SCLY: variants seen among roughly 807,000 people sequenced by gnomAD.
SCLY encodes putative selenocysteine lyase.
Under a neutral mutation model 50.1 loss-of-function variants are expected in SCLY, and 38 were observed. That is an observed-to-expected ratio of 0.76 (90% CI 0.59 to 0.99). SCLY has a LOEUF of 0.99. SCLY is among the 50% of genes least tolerant of loss of function. The pLI, the probability that SCLY is intolerant of heterozygous loss-of-function variation, is 0.00. For synonymous variants in SCLY, 243 were observed against 249.4 expected (o/e 0.97, Z 0.24); for missense variants, 600 against 620.0 (o/e 0.97, Z 0.34).
chr2:238,081,950 G>GCAA, intron 5 of SCLY, 95 bp from the exon 6 acceptor site: 2 of 1,575,128 alleles, frequency 1.3e-6, no homozygotes, highest in Non-Finnish European at 1.7e-6. Context: ...TGTTCACTTT[G>GCAA]ATAACATTTG....
chr2:238,082,793 G>A (rs1004748808), intron 6 of SCLY: 15 of 233,226 alleles, frequency 6.4e-5, no homozygotes, highest in Non-Finnish European at 8.8e-5. Context: ...CCAAAGGAGT[G>A]TCTATGCTGG....
At chr2:238,081,985 C>G in intron 5 of SCLY, 60 bp from the exon 6 acceptor site, 1 of 1,586,216 alleles carries the variant, frequency 6.3e-7, no homozygotes, top group East Asian at 2.3e-5. Flanking sequence ...CTCCTGATTT[C>G]TGTCATTCAG....
At chr2:238,087,315 CAAG>C (rs1358541096) in intron 7 of SCLY, among the ~76,000 whole-genome samples, 1 of 152,080 alleles carries the variant, frequency 6.6e-6, no homozygotes, top group Admixed American at 6.5e-5. Flanking sequence ...AGGAATGAAA[CAAG>C]GAGTACCACT....
chr2:238,083,257 C>G lies in SCLY; in HGVS notation c.787C>G (p.Pro263Ala). 6.2e-7 allele frequency: 1 copy of G among 1,612,106 alleles called. No homozygotes were observed. The highest frequency in any genetic ancestry group is 8.5e-7 in the Non-Finnish European group (1 of 1,178,196). The change falls in exon 7 of 12, where the codon CCC (proline) becomes GCC (alanine). Residue 263 changes from proline (P) to alanine (A), a missense_variant. Transcript: ENST00000254663. This position sits in a 1 kb window ranked among gnomAD's most constrained non-coding sequence, Gnocchi z 4.3. ...LTIVGHKFYG[P>A]RIGALYIRGL... ...CAACTTTTCCTTCCAGTTTTATGGT[C>G]CCAGGATTGGCGCACTTTATATACG...
At chr2:238,064,632 C>T in intron 2 of SCLY, 163 bp downstream of exon 2, 1 of 496,924 alleles carries the variant, frequency 2.0e-6, no homozygotes, top group Admixed American at 4.0e-5. Flanking sequence ...GGGAAGGCCC[C>T]ATTTGTAAGC....
rs886285534 is a variant in SCLY at position 238,083,519 on chromosome 2, A to G, written c.884+165A>G. 3.9e-5 allele frequency among the ~76,000 whole-genome samples: 6 copies of G among 152,164 alleles called. No individual in the cohort carries two copies. Among genetic ancestry groups the G allele is most frequent in the African/African-American group, 1.4e-4 (6 of 41,448 alleles). ...GGCTCCACTGATTGATTTTACACTGAGGGCTCACAGGACCTGCAGTCTCTT... is the reference window on the plus strand; with the variant it reads ...GGCTCCACTGATTGATTTTACACTGGGGGCTCACAGGACCTGCAGTCTCTT... On this transcript the variant is annotated intron_variant, in intron 7 of 11. Transcript: ENST00000254663. The surrounding 1 kb of genome is among the most constrained non-coding windows in gnomAD (Gnocchi z 4.3).
At chr2:238,082,850 T>A (rs1399108623) in intron 6 of SCLY, 3 of 307,396 alleles carry the variant, frequency 9.8e-6, no homozygotes, top group East Asian at 1.6e-4. Flanking sequence ...GTTGGAAACA[T>A]GGAATCATTT....
intron 9 of SCLY, 26 bp downstream of exon 9, chr2:238,093,970 A>G (rs1246442697): frequency 6.3e-7 from 1 of 1,583,780 alleles, no homozygotes; most frequent in South Asian, 1.1e-5. Context: ...GGTGGGCACC[A>G]GGAGGGGGAG....
At chr2:238,071,589 C>T (rs540519550) in intron 4 of SCLY, among the ~76,000 whole-genome samples, 6 of 152,240 alleles carry the variant, frequency 3.9e-5, no homozygotes, top group Non-Finnish European at 7.4e-5. Context: ...GCAGCCTGGG[C>T]GACAGGGTGA....
intron 4 of SCLY, among the ~76,000 whole-genome samples, chr2:238,070,949 A>G (rs911176016): frequency 3.3e-5 from 5 of 151,520 alleles, no homozygotes; most frequent in Non-Finnish European, 7.4e-5. Context: ...CTCCTGCTTC[A>G]GCCTCCTGAG....
chr2:238,076,487 A>G (rs1341141557), intron 4 of SCLY, among the ~76,000 whole-genome samples: 1 of 150,928 alleles, frequency 6.6e-6, no homozygotes, highest in Non-Finnish European at 1.5e-5. Context: ...TTGTGTCTTC[A>G]TTTTCATTCA....
chr2:238,082,620 C>T (rs1454202534), intron 6 of SCLY: 4 of 188,416 alleles, frequency 2.1e-5, no homozygotes, highest in East Asian at 1.3e-4. Flanking sequence ...ATTTCAGATG[C>T]GGCTCCTCAG....
intron 1 of SCLY, 145 bp downstream of exon 1, chr2:238,061,288 A>G (rs1267573156): frequency 1.4e-6 from 1 of 731,114 alleles, no homozygotes; most frequent in South Asian, 1.5e-5. Flanking sequence ...GGCCTAAGTC[A>G]GGGATGCGAG....
chr2:238,097,608 G>A (rs2065453213), intron 11 of SCLY, among the ~76,000 whole-genome samples: 1 of 152,104 alleles, frequency 6.6e-6, no homozygotes, highest in Non-Finnish European at 1.5e-5. Context: ...AGGAGGGGCA[G>A]GATGGGGCCC....
intron 1 of SCLY, chr2:238,061,474 G>T (rs13385539): frequency 0.016 from 6,968 of 426,456 alleles, 435 homozygotes; most frequent in African/African-American, 0.14. Flanking sequence ...GAGGTGAACC[G>T]GCAGAGCCCC....
At chr2:238,061,879 G>A (rs1200488672) in intron 1 of SCLY, among the ~76,000 whole-genome samples, 1 of 152,140 alleles carries the variant, frequency 6.6e-6, no homozygotes, top group Non-Finnish European at 1.5e-5. Flanking sequence ...TGCATTTTCT[G>A]GTTTGTGTGT....
At chr2:238,076,408 T>G (rs1394061900) in intron 4 of SCLY, among the ~76,000 whole-genome samples, 1 of 152,212 alleles carries the variant, frequency 6.6e-6, no homozygotes, top group African/African-American at 2.4e-5. Context: ...TCTTTTTTAA[T>G]GTAGGCATTT....
At chr2:238,091,535 AAGCTG>A in intron 8 of SCLY, 26 of 394,930 alleles carry the variant, frequency 6.6e-5, no homozygotes, top group South Asian at 2.0e-4. Flanking sequence ...GTGAAGTGTC[AAGCTG>A]CAGGTTCACC....
chr2:238,064,255 T>A, intron 1 of SCLY, 102 bp from the exon 2 acceptor site: 1 of 625,774 alleles, frequency 1.6e-6, no homozygotes, highest in Non-Finnish European at 2.7e-6. Context: ...ACCATGCCCT[T>A]GACATTATTT....
Sources: gnomAD v4.1 joint callset for allele counts (sites outside exome capture counted in the v4.1 genomes callset) on GRCh38, gnomAD v4.1.1 for gene constraint, Gnocchi (gnomAD v3.1) non-coding constraint, MANE v1.5 for transcripts, NCBI Gene and HGNC (gene_info 2026-07-23, HGNC 2026-07-21) for gene names.